Variants in PTPN14 observed in about 807,000 individuals in gnomAD.
PTPN14 encodes the protein protein tyrosine phosphatase non-receptor type 14, also known as tyrosine-protein phosphatase non-receptor type 14.
A neutral mutation model predicts 126.8 loss-of-function variants in PTPN14; 53 were observed. The observed-to-expected ratio is 0.42, with a 90% CI of 0.34 to 0.53. The LOEUF is 0.53. Ranked by LOEUF, PTPN14 falls within the 20% of genes least tolerant of loss-of-function variation. The pLI is 0.08. For synonymous variants in PTPN14, 630 were observed against 599.3 expected, an observed-to-expected ratio of 1.05 and a Z score of -0.75; for missense variants, 1,257 against 1,552.9, an observed-to-expected ratio of 0.81 and a Z score of 3.20.
At chr1:214,463,891 G>C (rs1353433995) in intron 2 of PTPN14, among the ~76,000 whole-genome samples, 1 of 152,200 alleles carries the variant, frequency 6.6e-6, no homozygotes, top group East Asian at 1.9e-4. Flanking sequence ...AGATGCTGAA[G>C]TGTGGATTGC....
At chr1:214,550,190 C>A (rs1656071009) in intron 1 of PTPN14, among the ~76,000 whole-genome samples, 1 of 66,456 alleles carries the variant, frequency 1.5e-5, no homozygotes, top group South Asian at 4.4e-4. Context: ...TCTCATTTAG[C>A]ATCTTTCTAT....
chr1:214,423,342 AAAAG>A (rs1432507352), intron 3 of PTPN14, among the ~76,000 whole-genome samples: 1 of 152,074 alleles, frequency 6.6e-6, no homozygotes, highest in Non-Finnish European at 1.5e-5. Context: ...CACCCCCCAA[AAAAG>A]AAAGATAAGA....
Position 214,352,722 on chromosome 1 carries a change from T to C in PTPN14, c.*5200A>G, listed in dbSNP as rs948141733. On this transcript the variant is annotated 3_prime_UTR_variant, in exon 19 of 19. Transcript: ENST00000366956. ...GTGCCAACCATAAGGCTGTAGGCCATTGGAGAATTTGTGTGGTTTCTACAG... is the reference window on the plus strand; with the variant it reads ...GTGCCAACCATAAGGCTGTAGGCCACTGGAGAATTTGTGTGGTTTCTACAG... 1 of 152,214 alleles carries C rather than the reference T, an allele frequency of 6.6e-6. No individual in the cohort carries two copies. The highest frequency in any genetic ancestry group is 2.4e-5 in the African/African-American group (1 of 41,446). The allele number at this position is 152,214 out of a possible 1,614,324, so 9.4% of individuals were successfully genotyped here.
chr1:214,511,466 C>A (rs1365794488), intron 1 of PTPN14, among the ~76,000 whole-genome samples: 5 of 150,520 alleles, frequency 3.3e-5, no homozygotes, highest in Non-Finnish European at 7.4e-5. Context: ...TGAGGTATCA[C>A]CTCACAGGAT....
rs146640564 is a variant in PTPN14 at position 214,350,533 on chromosome 1, CTTTTTTTTTTTTTTT to C, written c.*7374_*7388del. On this transcript the variant is annotated 3_prime_UTR_variant, in exon 19 of 19. Transcript: ENST00000366956. ...TTCTGGTTATTTTCATCCGCCAGAT[CTTTTTTTTTTTTTTT>C]TTTTTTTTTTGAGACAAAGTCTCAC... The C allele has an allele frequency of 3.7e-4, 21 of 56,990 alleles. No individual in the cohort carries two copies. Among genetic ancestry groups the C allele is most frequent in the African/African-American group, 1.4e-3 (20 of 14,384 alleles). 3.5% of individuals were successfully genotyped at this position (56,990 alleles called of 1,614,324 possible).
rs1476072966 is a variant in PTPN14 at position 214,425,994 on chromosome 1, G to T, written c.345-11268C>A. On this transcript the variant is annotated intron_variant, in intron 3 of 18. Transcript: ENST00000366956. ...ATTACAACATTGTGCCTGTGTAGTA[G>T]GTTAGTCTATAGTTTCTACAATCTG... Among the ~76,000 whole-genome samples the T allele has an allele frequency of 4.2e-5, 5 of 119,696 alleles. No individual in the cohort carries two copies. In the South Asian group the frequency reaches 8.5e-4, roughly 20 times the overall value. The allele number at this position is 119,696 out of a possible 152,430, so 78.5% of individuals were successfully genotyped here. A position where few individuals can be genotyped will look rare whatever the true frequency, so the allele number is the denominator to read the frequency against.
At chr1:214,359,505 G>C (rs1322454110) in intron 18 of PTPN14, among the ~76,000 whole-genome samples, 1 of 151,604 alleles carries the variant, frequency 6.6e-6, no homozygotes, top group Non-Finnish European at 1.5e-5. Context: ...TTATAAGCGT[G>C]AGCCACTGCG....
chr1:214,422,740 A>G (rs1253032434), intron 3 of PTPN14, among the ~76,000 whole-genome samples: 4 of 152,184 alleles, frequency 2.6e-5, no homozygotes, highest in African/African-American at 9.7e-5. Context: ...GATAAAATAC[A>G]TAAAAATCAA....
At chr1:214,459,250 T>C (rs1409069202) in intron 2 of PTPN14, among the ~76,000 whole-genome samples, 4 of 151,570 alleles carry the variant, frequency 2.6e-5, no homozygotes, top group Non-Finnish European at 5.9e-5. Context: ...CCTCCCAGAT[T>C]CAAGCGATTC....
intron 15 of PTPN14, among the ~76,000 whole-genome samples, chr1:214,373,699 TAA>T (rs11299837): frequency 0.3 from 43,085 of 143,144 alleles, 7,465 homozygotes; most frequent in Non-Finnish European, 0.39. Context: ...AATTAAACAA[TAA>T]AAAAAAAAAA....
At chr1:214,496,939 G>GAA (rs56737686) in intron 1 of PTPN14, among the ~76,000 whole-genome samples, 15 of 151,638 alleles carry the variant, frequency 9.9e-5, no homozygotes, top group African/African-American at 3.6e-4. Context: ...AAAAGTGCTA[G>GAA]AAAAAAAACA....
chr1:214,492,684 G>T (rs558197463), intron 1 of PTPN14, among the ~76,000 whole-genome samples: 57 of 152,264 alleles, frequency 3.7e-4, no homozygotes, highest in African/African-American at 1.3e-3. Flanking sequence ...ATGGCAGGTG[G>T]ATCACTTGAG....
rs1005013891 is a variant in PTPN14 at position 214,355,610 on chromosome 1, A to G, written c.*2312T>C. ...ATCAGCAGATTATACTCCTTCACTG[A>G]GCCTTCAGACCTTGAAGTAGAAGAC... On this transcript the variant is annotated 3_prime_UTR_variant, in exon 19 of 19. Transcript: ENST00000366956. 1 of 152,224 alleles carries G rather than the reference A, an allele frequency of 6.6e-6. No individual in the cohort carries two copies. The highest frequency in any genetic ancestry group is 1.5e-5 in the Non-Finnish European group (1 of 68,054). 9.4% of individuals were successfully genotyped at this position (152,224 alleles called of 1,614,324 possible).
chr1:214,357,900 T>G lies in PTPN14; in HGVS notation c.*22A>C, dbSNP rs746967467. 42 of 1,608,740 alleles carry G rather than the reference T, an allele frequency of 2.6e-5. 1 individual carries two copies. Among genetic ancestry groups the G allele is most frequent in the Admixed American group, 2.3e-4 (14 of 59,974 alleles). The stretch of plus-strand genomic sequence containing the variant: ...CAGCGCGATGGAGCTGGGTCCCTCC[T>G]CCAGGAGCTGGATTGGGGTGATTAA... On this transcript the variant is annotated 3_prime_UTR_variant, in exon 19 of 19. Transcript: ENST00000366956.
chr1:214,486,436 T>C (rs527849152), intron 1 of PTPN14, among the ~76,000 whole-genome samples: 2 of 152,334 alleles, frequency 1.3e-5, no homozygotes, highest in Admixed American at 1.3e-4. Context: ...TATTGTGATT[T>C]TTCCTTAGAT....
chr1:214,462,742 ATTG>A (rs1208601896), intron 2 of PTPN14, among the ~76,000 whole-genome samples: 4 of 152,082 alleles, frequency 2.6e-5, no homozygotes, highest in African/African-American at 9.7e-5. Context: ...GGACTCCCCT[ATTG>A]TTCTGTGCAT....
At position 214,360,140 on chromosome 1, in the gene PTPN14, G is replaced by A. The variant is rs185024760; in HGVS notation, c.3436-2090C>T. Among the ~76,000 whole-genome samples the A allele has an allele frequency of 1.8e-3, 279 of 152,262 alleles. 1 individual carries two copies. Among genetic ancestry groups the A allele is most frequent in the African/African-American group, 6.5e-3 (270 of 41,562 alleles). On this transcript the variant is annotated intron_variant, in intron 18 of 18. Coordinates refer to ENST00000366956, the MANE Select transcript of PTPN14 (RefSeq NM_005401.5). ...CACCCAGGAAGTTTTCAAGGGCTAA[G>A]CAAGTGTTTAAAAGAAAATAATAAA... is the stretch of plus-strand genomic sequence containing the variant.
Position 214,401,727 on chromosome 1 carries a change from A to G in PTPN14, c.627T>C (p.Val209=). The G allele has an allele frequency of 6.3e-7, 1 of 1,596,038 alleles. No homozygotes were observed. The highest frequency in any genetic ancestry group is 2.2e-5 in the East Asian group (1 of 44,734). Residue 209 remains valine (V), a synonymous_variant, in exon 7 of 19, where the codon GTT becomes GTC. Coordinates refer to ENST00000366956, the MANE Select transcript of PTPN14 (RefSeq NM_005401.5). ...AEAELMYINE[V]ERLDGFGQEI... ...CCTGTCCAAATCCATCCAAACGTTC[A>G]ACTTCATTGATGTACATCAGTTCAG...
chr1:214,426,313 T>G (rs1400375438), intron 3 of PTPN14, among the ~76,000 whole-genome samples: 2 of 152,140 alleles, frequency 1.3e-5, no homozygotes, highest in African/African-American at 4.8e-5. Flanking sequence ...TTTTCAAGCA[T>G]GGAAATGTCT....
Sources: gnomAD v4.1 joint callset for allele counts (sites outside exome capture counted in the v4.1 genomes callset) on GRCh38, gnomAD v4.1.1 for gene constraint, MANE v1.5 for transcripts, NCBI Gene and HGNC (gene_info 2026-07-23, HGNC 2026-07-21) for gene names.